ZC3H12B: variants seen among roughly 807,000 people sequenced by gnomAD.
ZC3H12B encodes probable ribonuclease ZC3H12B.
ZC3H12B carries 7 observed loss-of-function variants against 43.9 expected under a neutral mutation model. That is an observed-to-expected ratio of 0.16 (90% CI 0.09 to 0.30). The LOEUF (loss-of-function observed/expected upper bound fraction) is 0.30. Among genes scored for constraint, ZC3H12B ranks in the 10% least tolerant of loss-of-function variants. The probability of loss-of-function intolerance (pLI) is 1.00; values close to 1 mark genes in which losing one functional copy is unlikely to be tolerated. For synonymous variants in ZC3H12B, 222 were observed against 241.7 expected (o/e 0.92, Z 0.76); for missense variants, 475 against 670.2 (o/e 0.71, Z 3.22).
At chrX:65,045,854 C>T in the ZC3H12B span, among the ~76,000 whole-genome samples, 7 of 111,650 alleles carry the variant, frequency 6.3e-5, no homozygotes, top group Middle Eastern at 4.7e-3. Context: ...ATTCATGGAC[C>T]GCAGAAGGGA....
At chrX:65,161,128 C>G in the ZC3H12B span, among the ~76,000 whole-genome samples, 2 of 110,990 alleles carry the variant, frequency 1.8e-5, no homozygotes, top group Non-Finnish European at 3.8e-5. Flanking sequence ...CTGAGAGACA[C>G]TTTGTTATAA....
At chrX:65,438,326 T>C (rs2067249317) in intron 3 of ZC3H12B, among the ~76,000 whole-genome samples, 1 of 112,420 alleles carries the variant, frequency 8.9e-6, no homozygotes, top group Admixed American at 9.5e-5. Flanking sequence ...TATGGACATT[T>C]TCACAATATT....
At chrX:65,158,982 T>C in the ZC3H12B span, among the ~76,000 whole-genome samples, 9 of 112,154 alleles carry the variant, frequency 8.0e-5, no homozygotes, top group African/African-American at 2.9e-4. Context: ...GTTTCACCTT[T>C]CTACATATGG....
chrX:65,144,019 G>A, the ZC3H12B span, among the ~76,000 whole-genome samples: 1 of 111,636 alleles, frequency 9.0e-6, no homozygotes, highest in Admixed American at 9.5e-5. Flanking sequence ...CAGGCTTAAT[G>A]GAATCATTTG....
At chrX:65,367,688 C>A (rs1445398210) in intron 1 of ZC3H12B, among the ~76,000 whole-genome samples, 1 of 111,078 alleles carries the variant, frequency 9.0e-6, no homozygotes, top group Non-Finnish European at 1.9e-5. Context: ...TCTTTCTAAA[C>A]CTTCAGAATA....
intron 3 of ZC3H12B, among the ~76,000 whole-genome samples, chrX:65,451,534 G>T (rs563954609): frequency 9.0e-6 from 1 of 110,748 alleles, no homozygotes. Flanking sequence ...AGATATGGAG[G>T]TATCACTATG....
the ZC3H12B span, among the ~76,000 whole-genome samples, chrX:65,105,343 C>A: frequency 8.1e-5 from 9 of 111,096 alleles, no homozygotes; most frequent in East Asian, 2.6e-3. Flanking sequence ...ATAGGTGCAG[C>A]AAACCACCAT....
chrX:65,458,832 T>C (rs1460999758), intron 3 of ZC3H12B, among the ~76,000 whole-genome samples: 2 of 111,200 alleles, frequency 1.8e-5, no homozygotes, highest in East Asian at 5.6e-4. Context: ...ATTCAAAAGC[T>C]AGCAGAAGAC....
At chrX:65,271,253 C>T in the ZC3H12B span, 1 of 112,133 alleles carries the variant, frequency 8.9e-6, no homozygotes, top group Non-Finnish European at 1.9e-5. Context: ...AAGAATTCAT[C>T]TAGCCATCAT....
chrX:65,356,935 C>A, the ZC3H12B span: 1 of 431,788 alleles, frequency 2.3e-6, no homozygotes, highest in East Asian at 5.0e-5. Context: ...ATGCTAAACT[C>A]CCACAGGCTG....
chrX:65,369,869 T>C (rs1298336354), intron 2 of ZC3H12B, among the ~76,000 whole-genome samples: 1 of 111,907 alleles, frequency 8.9e-6, no homozygotes, highest in East Asian at 2.8e-4. Context: ...ATTCTAGACT[T>C]GTGTTGCATA....
the ZC3H12B span, among the ~76,000 whole-genome samples, chrX:65,350,948 T>G: frequency 8.9e-6 from 1 of 111,941 alleles, no homozygotes; most frequent in African/African-American, 3.2e-5. Context: ...CTGACTTTCT[T>G]CACAGAATTG....
At chrX:65,057,429 G>T in the ZC3H12B span, among the ~76,000 whole-genome samples, 28 of 112,011 alleles carry the variant, frequency 2.5e-4, no homozygotes, top group African/African-American at 8.8e-4. Context: ...CTTCTGGCTT[G>T]TAGAGTTTCT....
At chrX:65,158,599 A>G in the ZC3H12B span, among the ~76,000 whole-genome samples, 2 of 111,066 alleles carry the variant, frequency 1.8e-5, no homozygotes, top group Middle Eastern at 4.7e-3. Context: ...CGTGTCCTTC[A>G]CCCACTTTTT....
chrX:65,440,279 G>C (rs759264402), intron 3 of ZC3H12B, among the ~76,000 whole-genome samples: 1 of 112,030 alleles, frequency 8.9e-6, no homozygotes, highest in Non-Finnish European at 1.9e-5. Flanking sequence ...ATGTAAAAAG[G>C]GTGCATTCTA....
chrX:65,257,781 G>A, the ZC3H12B span, among the ~76,000 whole-genome samples: 1 of 110,383 alleles, frequency 9.1e-6, no homozygotes. Context: ...AGAAAACCTA[G>A]AAGAAATGGG....
chrX:65,433,539 T>G (rs1159115531), intron 3 of ZC3H12B, among the ~76,000 whole-genome samples: 1 of 111,856 alleles, frequency 8.9e-6, no homozygotes, highest in Non-Finnish European at 1.9e-5. Context: ...AAAGATCCAC[T>G]GGGCCCATTG....
At chrX:65,314,830 G>T in the ZC3H12B span, among the ~76,000 whole-genome samples, 1 of 110,484 alleles carries the variant, frequency 9.1e-6, no homozygotes, top group South Asian at 3.8e-4. Flanking sequence ...TGTGTATGTA[G>T]ACATAAGATA....
chrX:65,350,529 G>C, the ZC3H12B span, among the ~76,000 whole-genome samples: 1 of 111,841 alleles, frequency 8.9e-6, no homozygotes, highest in Admixed American at 9.5e-5. Flanking sequence ...AAGAGAGGAA[G>C]TCAAATTGTC....
Sources: allele counts gnomAD v4.1 joint callset (sites outside exome capture counted in the v4.1 genomes callset), GRCh38; gene constraint gnomAD v4.1.1; transcripts MANE v1.5; gene names NCBI Gene and HGNC (gene_info 2026-07-23, HGNC 2026-07-21).